Variants in RPTOR observed in about 807,000 individuals in gnomAD.
RPTOR encodes the protein regulatory-associated protein of mTOR.
Under a neutral mutation model 169.9 loss-of-function variants are expected in RPTOR, and 21 were observed. The ratio of observed to expected loss-of-function variants is 0.12; its 90% CI spans 0.09 to 0.18. The LOEUF (loss-of-function observed/expected upper bound fraction) is 0.18, where lower values mean the gene tolerates loss of function less well. RPTOR is among the 10% of genes least tolerant of loss of function. The pLI is 1.00. For missense variants in RPTOR, 1,133 were observed against 1,855.9 expected (o/e 0.61, Z 7.16); for synonymous variants, 732 against 753.2 (o/e 0.97, Z 0.46).
At chr17:80,830,403 C>T (rs908605693) in intron 9 of RPTOR, among the ~76,000 whole-genome samples, 4 of 152,220 alleles carry the variant, frequency 2.6e-5, no homozygotes, top group Admixed American at 2.6e-4. Flanking sequence ...TATCAGTTCA[C>T]TATGTGTGCA....
intron 2 of RPTOR, among the ~76,000 whole-genome samples, chr17:80,630,718 A>G (rs923293239): frequency 6.6e-6 from 1 of 152,206 alleles, no homozygotes; most frequent in Non-Finnish European, 1.5e-5. Context: ...GTGGACACAT[A>G]AAGCTGACCA....
rs200433614 is a variant in RPTOR, at chr17:80,665,499, TTTCCA to T, written c.348+21691_348+21695del. Among the ~76,000 whole-genome samples, 7 of 46,428 alleles carry T rather than the reference TTTCCA, an allele frequency of 1.5e-4. 1 individual carries two copies. 30.5% of individuals were successfully genotyped at this position (46,428 alleles called of 152,430 possible). On this transcript the variant is annotated intron_variant, in intron 3 of 33. Transcript: ENST00000306801. The stretch of plus-strand genomic sequence containing the variant: ...TTTCCTTTCCTTTCCTTTCCTTTCC[TTTCCA>T]TGTCCTTTCCTTTCCTTTCCATGTC...
chr17:80,635,561 C>T (rs978838341), intron 2 of RPTOR, among the ~76,000 whole-genome samples: 1 of 152,092 alleles, frequency 6.6e-6, no homozygotes, highest in Non-Finnish European at 1.5e-5. Context: ...AGCGGAGCCA[C>T]CATCCAGTGG....
At chr17:80,830,175 C>T (rs555354378) in intron 9 of RPTOR, among the ~76,000 whole-genome samples, 7 of 152,308 alleles carry the variant, frequency 4.6e-5, no homozygotes, top group Non-Finnish European at 1.0e-4. Flanking sequence ...CCGCTGGCTT[C>T]TCTGTTCTGT....
At chr17:80,842,226 A>T (rs1278944516) in intron 10 of RPTOR, among the ~76,000 whole-genome samples, 1 of 152,250 alleles carries the variant, frequency 6.6e-6, no homozygotes, top group Non-Finnish European at 1.5e-5. Flanking sequence ...GAATTCTGTG[A>T]TATTGGTCCT....
intron 6 of RPTOR, among the ~76,000 whole-genome samples, chr17:80,764,751 T>A (rs1158006304): frequency 1.3e-5 from 2 of 152,174 alleles, no homozygotes; most frequent in African/African-American, 4.8e-5. Flanking sequence ...ACTTCCACAA[T>A]GGTTGAACTA....
chr17:80,828,640 C>G (rs2067471044), intron 9 of RPTOR, among the ~76,000 whole-genome samples: 1 of 152,226 alleles, frequency 6.6e-6, no homozygotes, highest in African/African-American at 2.4e-5. Context: ...CTTTGAATGC[C>G]CAGCCTCTTT....
At chr17:80,925,578 C>A in intron 24 of RPTOR, 98 bp downstream of exon 24, 1 of 970,862 alleles carries the variant, frequency 1.0e-6, no homozygotes, top group Non-Finnish European at 1.6e-6. Flanking sequence ...GCTGTGGGAG[C>A]GTCCCATTGT....
At chr17:80,880,627 G>T (rs1047823164) in intron 14 of RPTOR, 138 bp downstream of exon 14, 4 of 703,974 alleles carry the variant, frequency 5.7e-6, no homozygotes, top group East Asian at 2.7e-5. Flanking sequence ...ACGTCCACGG[G>T]GTCAGCAACT....
intron 2 of RPTOR, among the ~76,000 whole-genome samples, chr17:80,635,851 A>G (rs2065502158): frequency 6.6e-6 from 1 of 152,076 alleles, no homozygotes; most frequent in Admixed American, 6.5e-5. Flanking sequence ...TTGGCCAGGA[A>G]GGTGAGGAGT....
intron 8 of RPTOR, among the ~76,000 whole-genome samples, chr17:80,822,866 T>C (rs2672901): frequency 0.69 from 104,836 of 151,936 alleles, 36,708 homozygotes; most frequent in African/African-American, 0.8. Context: ...CACATGTATG[T>C]ATGCATGTGT....
intron 6 of RPTOR, among the ~76,000 whole-genome samples, chr17:80,765,666 G>A (rs1374333354): frequency 2.0e-5 from 3 of 152,074 alleles, no homozygotes; most frequent in African/African-American, 4.8e-5. Flanking sequence ...CTGTTGTTCC[G>A]CCTCTCTCTC....
In RPTOR at chr17:80,746,823, T is replaced by A. The variant is rs1408290978; in HGVS notation, c.655-7187T>A. Among the ~76,000 whole-genome samples, 1 of 150,592 alleles carries A rather than the reference T, an allele frequency of 6.6e-6. No homozygotes were observed. Among genetic ancestry groups the A allele is most frequent in the Non-Finnish European group, 1.5e-5 (1 of 67,676 alleles). On this transcript the variant is annotated intron_variant, in intron 5 of 33. Coordinates refer to ENST00000306801, the MANE Select transcript of RPTOR (RefSeq NM_020761.3). This position sits in a 1 kb window ranked among gnomAD's most constrained non-coding sequence, Gnocchi z 4.5. ...ACCAAAACAGTGTATAGGAAATAAC[T>A]CATCTGTTGAAATAGTTTTTTTTTT...
At chr17:80,908,094 G>A (rs1049697479) in intron 20 of RPTOR, among the ~76,000 whole-genome samples, 2 of 151,296 alleles carry the variant, frequency 1.3e-5, no homozygotes, top group African/African-American at 4.8e-5. Context: ...CCGAGCAGCC[G>A]CACCGACGAA....
chr17:80,744,343 C>T (rs370427619), intron 5 of RPTOR, among the ~76,000 whole-genome samples: 3 of 101,852 alleles, frequency 2.9e-5, no homozygotes, highest in South Asian at 3.0e-4. Flanking sequence ...ACTAGCACAG[C>T]CCTGGCTACT....
intron 3 of RPTOR, among the ~76,000 whole-genome samples, chr17:80,687,052 G>A (rs1490726710): frequency 2.0e-5 from 3 of 152,090 alleles, no homozygotes; most frequent in African/African-American, 4.8e-5. Context: ...ATCACCCCAC[G>A]CAATGCCTCC....
At chr17:80,622,630 G>A (rs886392091) in intron 1 of RPTOR, among the ~76,000 whole-genome samples, 9 of 152,242 alleles carry the variant, frequency 5.9e-5, no homozygotes, top group African/African-American at 2.2e-4. Context: ...GCTGGGTGCA[G>A]TGGCGCATGC....
chr17:80,905,403 G>A (rs1286744137), intron 20 of RPTOR, among the ~76,000 whole-genome samples: 1 of 150,310 alleles, frequency 6.7e-6, no homozygotes, highest in Non-Finnish European at 1.5e-5. Context: ...TGCCTAACAC[G>A]GTGAAACCCG....
rs555416310 is a variant in RPTOR, at chr17:80,649,982, C to T, written c.348+6172C>T. 7.2e-5 allele frequency among the ~76,000 whole-genome samples: 11 copies of T among 152,338 alleles called. No homozygotes were observed. In the East Asian group the frequency reaches 1.5e-3, roughly 21 times the overall value. On this transcript the variant is annotated intron_variant, in intron 3 of 33. Transcript: ENST00000306801. The stretch of plus-strand genomic sequence containing the variant: ...TTAGATTATGCGAAGCAGTTTATTC[C>T]GGACTCTTTAGACCAATTGCACCAG...
Sources: gnomAD v4.1 joint callset for allele counts (sites outside exome capture counted in the v4.1 genomes callset) on GRCh38, gnomAD v4.1.1 for gene constraint, Gnocchi (gnomAD v3.1) non-coding constraint, MANE v1.5 for transcripts, NCBI Gene and HGNC (gene_info 2026-07-23, HGNC 2026-07-21) for gene names.